Variants in LNX2 observed in about 807,000 individuals in gnomAD.
The protein encoded by LNX2 is ligand of Numb protein X 2.
A neutral mutation model predicts 66.2 loss-of-function variants in LNX2; 35 were observed. The ratio of observed to expected loss-of-function variants is 0.53; its 90% confidence interval spans 0.40 to 0.70. The LOEUF is 0.70. Ranked by LOEUF, LNX2 falls within the 30% of genes least tolerant of loss-of-function variation. The pLI, the probability that LNX2 is intolerant of heterozygous loss-of-function variation, is 0.00. For synonymous variants in LNX2, 337 were observed against 315.6 expected (o/e 1.07, Z -0.72); for missense variants, 791 against 850.8 (o/e 0.93, Z 0.87).
At chr13:27,610,496 T>C (rs965719817) in intron 1 of LNX2, among the ~76,000 whole-genome samples, 4 of 152,120 alleles carry the variant, frequency 2.6e-5, no homozygotes, top group Admixed American at 2.0e-4. Flanking sequence ...TATTCAAAAA[T>C]TGCCTCAAAA....
intron 4 of LNX2, among the ~76,000 whole-genome samples, chr13:27,564,847 C>G (rs902785545): frequency 6.6e-6 from 1 of 152,118 alleles, no homozygotes; most frequent in East Asian, 1.9e-4. Context: ...TACCAATAGG[C>G]CTCTTTCCAA....
intron 1 of LNX2, among the ~76,000 whole-genome samples, chr13:27,610,170 G>C (rs1391541781): frequency 1.3e-5 from 2 of 152,214 alleles, no homozygotes; most frequent in African/African-American, 2.4e-5. Context: ...TTTAGTAGCA[G>C]AGGCACAGGA....
In LNX2 at chr13:27,550,414, T is replaced by C. The variant is rs776727046; in HGVS notation, c.1856A>G (p.Tyr619Cys). ...AGGCTGATTGGTGTGGTTCTCTTCATATCCACCAACGATACTAAAGCCCCA... is the reference window on the plus strand; with the variant it reads ...AGGCTGATTGGTGTGGTTCTCTTCACATCCACCAACGATACTAAAGCCCCA... Reference protein sequence around the residue: ...GSWGFSIVGGYEENHTNQPFF... With the variant: ...GSWGFSIVGGCEENHTNQPFF... The change falls in exon 9 of 10, where the codon TAT becomes TGT. Residue 619 changes from tyrosine (Y) to cysteine (C), a missense_variant. Transcript: ENST00000316334. The C allele has an allele frequency of 1.9e-6, 3 of 1,613,806 alleles. No individual in the cohort carries two copies. In the South Asian group the frequency reaches 3.3e-5, roughly 18 times the overall value.
chr13:27,546,384 G>C lies in LNX2; in HGVS notation c.*1951C>G, dbSNP rs1382594173. On this transcript the variant is annotated 3_prime_UTR_variant, in exon 10 of 10. Coordinates refer to ENST00000316334, the MANE Select transcript of LNX2 (RefSeq NM_153371.4). ...GGAGCAGGGAAAAAACTTGTTCCAT[G>C]TCAATTAGAATATCAAAGCATTTCA... 6.6e-6 allele frequency: 1 copy of C among 152,166 alleles called. No homozygotes were observed. The highest frequency in any genetic ancestry group is 1.5e-5 in the Non-Finnish European group (1 of 68,028). 9.4% of individuals were successfully genotyped at this position (152,166 alleles called of 1,614,324 possible).
rs769170997 is a variant in LNX2, at chr13:27,567,802, G to A, written c.693C>T (p.Ile231=). ...QQPLSLPEGE[I]TTIEIHRSNP... is the part of the protein sequence containing the mutation. The stretch of plus-strand genomic sequence containing the variant: ...TGGACCGATGAATTTCAATCGTGGT[G>A]ATTTCTCCTTCTGGTAAACTAAGTG... The change falls in exon 4 of 10, where the codon ATC becomes ATT. Residue 231 remains isoleucine (I), a synonymous_variant. Coordinates refer to ENST00000316334, the MANE Select transcript of LNX2 (RefSeq NM_153371.4). The A allele has an allele frequency of 1.2e-6, 2 of 1,614,052 alleles. No individual in the cohort carries two copies.
rs1955131944 is a variant in LNX2, at chr13:27,561,259, C to G, written c.1224+1154G>C. On this transcript the variant is annotated intron_variant, in intron 5 of 9. Transcript: ENST00000316334. ...CTAGATTAGATAATTTAAACATTGC[C>G]TGAAATACATATAGTCCATCTATTA... 2.6e-5 allele frequency among the ~76,000 whole-genome samples: 4 copies of G among 152,246 alleles called. No homozygotes were observed. The South Asian group carries it at 8.3e-4, about 32-fold the overall frequency.
chr13:27,569,816 ATTTAT>A (rs1380881311), intron 2 of LNX2, among the ~76,000 whole-genome samples: 1 of 152,162 alleles, frequency 6.6e-6, no homozygotes, highest in African/African-American at 2.4e-5. Context: ...GACCCATATA[ATTTAT>A]TTTATGATAG....
intron 1 of LNX2, among the ~76,000 whole-genome samples, chr13:27,616,194 G>C: frequency 6.7e-6 from 1 of 150,286 alleles, no homozygotes; most frequent in Non-Finnish European, 1.5e-5. Flanking sequence ...GGTTGGGGGG[G>C]GTAGCAGGGA....
intron 1 of LNX2, among the ~76,000 whole-genome samples, chr13:27,582,946 A>G (rs922823168): frequency 2.0e-5 from 3 of 152,182 alleles, no homozygotes; most frequent in Non-Finnish European, 2.9e-5. Flanking sequence ...CAGCGTATGT[A>G]TGATTTGAAT....
At chr13:27,608,544 G>A (rs998446311) in intron 1 of LNX2, among the ~76,000 whole-genome samples, 2 of 151,918 alleles carry the variant, frequency 1.3e-5, no homozygotes, top group Non-Finnish European at 2.9e-5. Context: ...TATACACTGC[G>A]ATTTTAAAAA....
chr13:27,587,760 G>A (rs770612224), intron 1 of LNX2, among the ~76,000 whole-genome samples: 3 of 151,682 alleles, frequency 2.0e-5, no homozygotes, highest in South Asian at 2.1e-4. Context: ...GGTGGCTCAC[G>A]CCTGTAATCC....
At chr13:27,617,288 T>A (rs947115254) in intron 1 of LNX2, among the ~76,000 whole-genome samples, 2 of 152,178 alleles carry the variant, frequency 1.3e-5, no homozygotes. Flanking sequence ...GCAAGATACA[T>A]ATGTATTACT....
chr13:27,568,947 AG>A, intron 3 of LNX2, 81 bp downstream of exon 3: 1 of 1,394,036 alleles, frequency 7.2e-7, no homozygotes, highest in South Asian at 1.7e-5. Context: ...TTTTCTTTAA[AG>A]ATGAAAAAAG....
Position 27,592,501 on chromosome 13 carries a change from A to C in LNX2, c.-100-10698T>G, listed in dbSNP as rs545542211. Among the ~76,000 whole-genome samples the C allele has an allele frequency of 3.3e-5, 5 of 152,342 alleles. No individual in the cohort carries two copies. The East Asian group carries it at 9.6e-4, about 29-fold the overall frequency. ...ATATGTAAAATTTGGACTGCCTGTT[A>C]GATTTCTAAGAAGAGACACTGAATA... On this transcript the variant is annotated intron_variant, in intron 1 of 9. Coordinates refer to ENST00000316334, the MANE Select transcript of LNX2 (RefSeq NM_153371.4).
At chr13:27,569,412 T>C in intron 2 of LNX2, 136 bp from the exon 3 acceptor site, 1 of 836,312 alleles carries the variant, frequency 1.2e-6, no homozygotes, top group Non-Finnish European at 1.9e-6. Flanking sequence ...ATAGTTCTGA[T>C]CCTAATCTCC....
At chr13:27,609,072 C>A (rs772806668) in intron 1 of LNX2, among the ~76,000 whole-genome samples, 1 of 152,090 alleles carries the variant, frequency 6.6e-6, no homozygotes, top group Non-Finnish European at 1.5e-5. Context: ...GGATTACAGG[C>A]ATAAGCCACT....
chr13:27,614,411 T>C (rs545950328), intron 1 of LNX2, among the ~76,000 whole-genome samples: 4 of 152,250 alleles, frequency 2.6e-5, no homozygotes, highest in South Asian at 2.1e-4. Flanking sequence ...ACTCAGAGCA[T>C]AGGAGTACCA....
intron 8 of LNX2, among the ~76,000 whole-genome samples, chr13:27,551,177 A>G (rs575238021): frequency 6.6e-6 from 1 of 152,262 alleles, no homozygotes; most frequent in East Asian, 1.9e-4. Context: ...AGTCCCAGTT[A>G]CTGGGAGGCT....
rs1228240431 is a variant in LNX2 at position 27,581,421 on chromosome 13, A to AGTCC, written c.282_283insGGAC (p.Leu95GlyfsTer7). On this transcript the variant is annotated frameshift_variant, in exon 2 of 10. Coordinates refer to ENST00000316334, the MANE Select transcript of LNX2 (RefSeq NM_153371.4). LOFTEE classifies it high-confidence loss of function. Reference sequence around the variant, plus strand: ...ACTAGAATACTAGACTTCTTGCACAACTTAAAATGAAGTCTTTTCCGGTCC... The same window carrying AGTCC: ...ACTAGAATACTAGACTTCTTGCACAAGTCCCTTAAAATGAAGTCTTTTCCGGTCC... 3.1e-6 allele frequency: 5 copies of AGTCC among 1,609,340 alleles called. No homozygotes were observed. The highest frequency in any genetic ancestry group is 4.2e-6 in the Non-Finnish European group (5 of 1,176,596).
Sources: gnomAD v4.1 joint callset for allele counts (sites outside exome capture counted in the v4.1 genomes callset) on GRCh38, gnomAD v4.1.1 for gene constraint, MANE v1.5 for transcripts, NCBI Gene and HGNC (gene_info 2026-07-23, HGNC 2026-07-21) for gene names.